NIPBL: variants seen among roughly 807,000 people sequenced by gnomAD.
NIPBL encodes nipped-B-like protein.
In NIPBL, 19 loss-of-function variants were observed where a neutral mutation model predicts 321.8. The ratio of observed to expected loss-of-function variants is 0.06; its 90% confidence interval spans 0.04 to 0.09. The LOEUF is 0.09. Among genes scored for constraint, NIPBL ranks in the 10% least tolerant of loss-of-function variants. The pLI is 1.00. For missense variants in NIPBL, 2,210 were observed against 3,327.0 expected (o/e 0.66, Z 8.26); for synonymous variants, 1,106 against 1,114.1 (o/e 0.99, Z 0.14).
chr5:36,889,913 G>A (rs1325766007), intron 1 of NIPBL, among the ~76,000 whole-genome samples: 3 of 149,456 alleles, frequency 2.0e-5, no homozygotes, highest in African/African-American at 7.4e-5. Context: ...TAGAACCAAT[G>A]TGAAAAAAAA....
chr5:36,977,077 A>G (rs1743559800), intron 9 of NIPBL, among the ~76,000 whole-genome samples: 1 of 152,044 alleles, frequency 6.6e-6, no homozygotes, highest in Non-Finnish European at 1.5e-5. Context: ...ACAAAAATAA[A>G]TTCATAGTAA....
intron 1 of NIPBL, 79 bp from the exon 2 acceptor site, chr5:36,953,539 T>G: frequency 1.5e-6 from 1 of 670,278 alleles, no homozygotes; most frequent in Non-Finnish European, 2.7e-6. Context: ...TAACTTTTTT[T>G]TATAGTGATT....
At chr5:36,953,870 T>C in intron 2 of NIPBL, 110 bp downstream of exon 2, 4 of 961,012 alleles carry the variant, frequency 4.2e-6, no homozygotes, top group Non-Finnish European at 6.6e-6. Flanking sequence ...TTTACAGAAA[T>C]AGCAACTGAA....
chr5:36,923,939 A>T (rs187418339), intron 1 of NIPBL, among the ~76,000 whole-genome samples: 1 of 152,150 alleles, frequency 6.6e-6, no homozygotes, highest in Non-Finnish European at 1.5e-5. Context: ...GTGGTTAAGG[A>T]TTATATTTGC....
chr5:37,040,273 A>G (rs957651290), intron 34 of NIPBL, among the ~76,000 whole-genome samples: 1 of 152,178 alleles, frequency 6.6e-6, no homozygotes, highest in Admixed American at 6.5e-5. Context: ...ATAAAGTTGT[A>G]TATAAATAAG....
intron 1 of NIPBL, among the ~76,000 whole-genome samples, chr5:36,936,420 C>A (rs1428862645): frequency 6.6e-6 from 1 of 152,100 alleles, no homozygotes; most frequent in Non-Finnish European, 1.5e-5. Context: ...AGTACAATAA[C>A]ATGCTGTATA....
intron 6 of NIPBL, among the ~76,000 whole-genome samples, chr5:36,963,168 A>G (rs1741822197): frequency 6.6e-6 from 1 of 152,156 alleles, no homozygotes. Context: ...TTACTAAATA[A>G]TTGATTTATT....
chr5:36,896,564 A>G (rs1746751502), intron 1 of NIPBL, among the ~76,000 whole-genome samples: 1 of 152,118 alleles, frequency 6.6e-6, no homozygotes, highest in Non-Finnish European at 1.5e-5. Flanking sequence ...GCATGGGAAG[A>G]CGTTCCATTT....
At position 37,048,568 on chromosome 5, in the gene NIPBL, T is replaced by C; in HGVS notation, c.6656T>C (p.Ile2219Thr). ...GAAGTGAAGAATCTATATAATAATA[T>C]TTTATCTGATAAGAACTCCTCAGTC... ...EQEVKNLYNN[I>T]LSDKNSSVNL... Residue 2219 changes from isoleucine to threonine, a missense_variant, in exon 39 of 47, where the codon ATT becomes ACT. Physicochemically the swap from Ile to Thr is moderately conservative, Grantham distance 89. This residue lies in a region of NIPBL where 40 missense variants were observed against 55.3 expected (regional missense o/e 0.72). Transcript: ENST00000282516. The C allele has an allele frequency of 6.3e-7, 1 of 1,590,784 alleles. No individual in the cohort carries two copies. Among genetic ancestry groups the C allele is most frequent in the South Asian group, 1.2e-5 (1 of 86,552 alleles).
At chr5:37,017,862 G>A (rs1218458768) in intron 24 of NIPBL, among the ~76,000 whole-genome samples, 1 of 151,786 alleles carries the variant, frequency 6.6e-6, no homozygotes, top group Admixed American at 6.6e-5. Context: ...AAAGCTTCTT[G>A]CAAATTCCTC....
intron 6 of NIPBL, among the ~76,000 whole-genome samples, chr5:36,967,426 A>G (rs1178158843): frequency 1.3e-5 from 2 of 152,204 alleles, no homozygotes; most frequent in Admixed American, 1.3e-4. Context: ...AAACATACTC[A>G]GACTGTTCTA....
At chr5:36,886,975 G>A (rs1373664019) in intron 1 of NIPBL, among the ~76,000 whole-genome samples, 1 of 152,102 alleles carries the variant, frequency 6.6e-6, no homozygotes, top group Non-Finnish European at 1.5e-5. Flanking sequence ...TAACTTTGGT[G>A]AAGCTCTTAC....
intron 9 of NIPBL, among the ~76,000 whole-genome samples, chr5:36,979,406 A>G (rs1031995044): frequency 2.6e-4 from 39 of 151,914 alleles, no homozygotes; most frequent in African/African-American, 8.7e-4. Context: ...TTATTGGTGT[A>G]TAGACATGCT....
At chr5:37,024,815 CT>C in intron 30 of NIPBL, 96 bp downstream of exon 30, 1 of 923,150 alleles carries the variant, frequency 1.1e-6, no homozygotes. Context: ...TATCCAAACA[CT>C]TTACAATGAA....
Position 37,024,555 on chromosome 5 carries a change from T to G in NIPBL, c.5575-30T>G, listed in dbSNP as rs1281208208. 3 of 1,585,110 alleles carry G rather than the reference T, an allele frequency of 1.9e-6. No homozygotes were observed. In the African/African-American group the frequency reaches 4.0e-5, roughly 21 times the overall value. On this transcript the variant is annotated intron_variant, in intron 29 of 46. Coordinates refer to ENST00000282516, the MANE Select transcript of NIPBL (RefSeq NM_133433.4). ...CATACACTAGGCATCTCAATTTTTC[T>G]GACTCTTAAAAATACCTTTCTGTTT...
chr5:36,893,485 T>C (rs1405143274), intron 1 of NIPBL, among the ~76,000 whole-genome samples: 1 of 151,910 alleles, frequency 6.6e-6, no homozygotes, highest in East Asian at 1.9e-4. Context: ...CAGAATCACC[T>C]AGGGATTTTT....
chr5:37,002,056 A>G (rs1746872936), intron 14 of NIPBL, among the ~76,000 whole-genome samples: 2 of 152,154 alleles, frequency 1.3e-5, no homozygotes, highest in South Asian at 2.1e-4. Flanking sequence ...AGGAGGAGTT[A>G]TTTACAAAGA....
chr5:37,010,848 A>G (rs564774476), intron 21 of NIPBL, among the ~76,000 whole-genome samples: 25 of 152,352 alleles, frequency 1.6e-4, no homozygotes, highest in African/African-American at 5.5e-4. Flanking sequence ...TGAATAATAC[A>G]ATATGTAATA....
intron 24 of NIPBL, among the ~76,000 whole-genome samples, chr5:37,018,282 G>T (rs558821505): frequency 1.3e-5 from 2 of 151,974 alleles, no homozygotes; most frequent in Non-Finnish European, 2.9e-5. Context: ...ATTATCAAAA[G>T]CAAAAAATTA....
Sources: gnomAD v4.1 joint callset for allele counts (sites outside exome capture counted in the v4.1 genomes callset) on GRCh38, gnomAD v4.1.1 for gene constraint, gnomAD v4.1.1 regional missense constraint, MANE v1.5 for transcripts, NCBI Gene and HGNC (gene_info 2026-07-23, HGNC 2026-07-21) for gene names.